Variants in PKN2 observed in about 807,000 individuals in gnomAD.
PKN2 encodes protein kinase N2, also known as serine/threonine-protein kinase N2.
Under a neutral mutation model 119.1 loss-of-function variants are expected in PKN2, and 38 were observed. The ratio of observed to expected loss-of-function variants is 0.32; its 90% confidence interval spans 0.25 to 0.42. The LOEUF is 0.42. Among genes scored for constraint, PKN2 ranks in the 10% least tolerant of loss-of-function variants. PKN2 has a pLI of 1.00. For synonymous variants in PKN2, 390 were observed against 384.9 expected (o/e 1.01, Z -0.15); for missense variants, 850 against 1,165.1 (o/e 0.73, Z 3.94).
chr1:88,787,343 G>T lies in PKN2; in HGVS notation c.1281+1130G>T, dbSNP rs78558109. 3.4e-3 allele frequency among the ~76,000 whole-genome samples: 510 copies of T among 152,182 alleles called. 4 individuals are homozygous for T. Among genetic ancestry groups the T allele is most frequent in the African/African-American group, 0.012 (487 of 41,520 alleles). On this transcript the variant is annotated intron_variant, in intron 8 of 21. Transcript: ENST00000370521. ...TTAGAGGGAAAATGACTAGCTAGGAGATTTTTCTTATAACAAGGTTATTGT... is the reference window on the plus strand; with the variant it reads ...TTAGAGGGAAAATGACTAGCTAGGATATTTTTCTTATAACAAGGTTATTGT...
At chr1:88,720,620 G>T (rs111355940) in intron 1 of PKN2, among the ~76,000 whole-genome samples, 2 of 152,042 alleles carry the variant, frequency 1.3e-5, no homozygotes, top group Non-Finnish European at 2.9e-5. Context: ...AAAATGTTTC[G>T]TGACCCTTTT....
chr1:88,688,800 G>A (rs1389719143), intron 1 of PKN2, among the ~76,000 whole-genome samples: 2 of 152,172 alleles, frequency 1.3e-5, no homozygotes, highest in Admixed American at 6.5e-5. Context: ...CACTTAGTAG[G>A]TGCGCAATAC....
At chr1:88,770,327 T>C in intron 3 of PKN2, 25 bp from the exon 4 acceptor site, 1 of 1,404,672 alleles carries the variant, frequency 7.1e-7, no homozygotes, top group Non-Finnish European at 1.0e-6. Flanking sequence ...ATTTGCTTAA[T>C]TTTTCAAACT....
rs765254246 is a variant in PKN2, at chr1:88,805,678, G to A, written c.1676+7G>A. ...AACTAGCACCTCCAGCTAGGTATGT[G>A]TCTGAGATTTTAAGCATCTCTTATA... On this transcript the variant is annotated splice_region_variant and intron_variant, in intron 11 of 21. Transcript: ENST00000370521. 1.2e-6 allele frequency: 2 copies of A among 1,613,444 alleles called. No homozygotes were observed. The highest frequency in any genetic ancestry group is 1.3e-5 in the African/African-American group (1 of 74,888).
chr1:88,700,767 T>C (rs1666740327), intron 1 of PKN2, among the ~76,000 whole-genome samples: 1 of 152,222 alleles, frequency 6.6e-6, no homozygotes, highest in Non-Finnish European at 1.5e-5. Context: ...TCTGCCTCTT[T>C]TCAGTAGTTC....
At chr1:88,799,858 T>C (rs955515113) in intron 8 of PKN2, among the ~76,000 whole-genome samples, 5 of 152,222 alleles carry the variant, frequency 3.3e-5, no homozygotes, top group African/African-American at 1.2e-4. Context: ...AGTTAAACTC[T>C]TTCAGTGTAC....
intron 6 of PKN2, among the ~76,000 whole-genome samples, chr1:88,776,511 G>T (rs184359139): frequency 6.6e-6 from 1 of 151,894 alleles, no homozygotes; most frequent in South Asian, 2.1e-4. Flanking sequence ...AGGCCGAGAC[G>T]GGTGGATCAC....
intron 1 of PKN2, among the ~76,000 whole-genome samples, chr1:88,716,768 T>C (rs1189104137): frequency 6.6e-6 from 1 of 152,220 alleles, no homozygotes; most frequent in Non-Finnish European, 1.5e-5. Flanking sequence ...TCTGTGTCTT[T>C]TAATTGGGGC....
At chr1:88,754,784 T>C (rs1393686636) in intron 2 of PKN2, among the ~76,000 whole-genome samples, 4 of 152,216 alleles carry the variant, frequency 2.6e-5, no homozygotes, top group Non-Finnish European at 4.4e-5. Flanking sequence ...GATGCAACTT[T>C]ATGGGCTTAA....
At chr1:88,777,809 A>G (rs1670164715) in intron 6 of PKN2, among the ~76,000 whole-genome samples, 1 of 152,186 alleles carries the variant, frequency 6.6e-6, no homozygotes, top group Non-Finnish European at 1.5e-5. Flanking sequence ...CAGGTACTGC[A>G]GACCAGCATT....
At chr1:88,737,048 A>G (rs1200179498) in intron 1 of PKN2, among the ~76,000 whole-genome samples, 4 of 152,192 alleles carry the variant, frequency 2.6e-5, no homozygotes, top group Non-Finnish European at 5.9e-5. Context: ...TTCAAGCATC[A>G]GTGTCTCCAC....
chr1:88,828,433 T>C (rs1256308819), intron 18 of PKN2, 48 bp from the exon 19 acceptor site: 1 of 1,502,756 alleles, frequency 6.7e-7, no homozygotes, highest in East Asian at 2.3e-5. Flanking sequence ...TTTTTTATGC[T>C]AGATTTGTTT....
intron 9 of PKN2, 70 bp from the exon 10 acceptor site, chr1:88,804,776 A>C: frequency 1.1e-6 from 1 of 916,700 alleles, no homozygotes; most frequent in Non-Finnish European, 1.7e-6. Context: ...TAAGCTTTAA[A>C]ATTTTATAAA....
At chr1:88,820,239 GA>G (rs1672217726) in intron 16 of PKN2, among the ~76,000 whole-genome samples, 1 of 88,260 alleles carries the variant, frequency 1.1e-5, no homozygotes, top group Admixed American at 1.2e-4. Flanking sequence ...TATATAAATA[GA>G]AAAAAATAAA....
chr1:88,696,933 CA>C (rs1478244590), intron 1 of PKN2, among the ~76,000 whole-genome samples: 1 of 152,136 alleles, frequency 6.6e-6, no homozygotes, highest in Non-Finnish European at 1.5e-5. Context: ...CCTATCTTTG[CA>C]TATGCTGATT....
At chr1:88,768,441 A>G (rs1385378868) in intron 3 of PKN2, among the ~76,000 whole-genome samples, 1 of 152,126 alleles carries the variant, frequency 6.6e-6, no homozygotes, top group Non-Finnish European at 1.5e-5. Context: ...CTAAGCTAGC[A>G]ATAGCAGGTC....
intron 1 of PKN2, among the ~76,000 whole-genome samples, chr1:88,716,895 G>A (rs1667479013): frequency 6.6e-6 from 1 of 152,254 alleles, no homozygotes; most frequent in Non-Finnish European, 1.5e-5. Context: ...ATCATCGATG[G>A]TCTTTACAAT....
chr1:88,722,604 C>T (rs1014770973), intron 1 of PKN2, among the ~76,000 whole-genome samples: 3 of 151,806 alleles, frequency 2.0e-5, no homozygotes, highest in Admixed American at 6.6e-5. Flanking sequence ...CACAGTGAGA[C>T]CCCATCTCTA....
intron 6 of PKN2, among the ~76,000 whole-genome samples, chr1:88,775,888 G>A (rs1288220463): frequency 6.6e-6 from 1 of 151,710 alleles, no homozygotes; most frequent in South Asian, 2.1e-4. Context: ...GGTGGATCAC[G>A]AGGTCAGAAG....
Sources: gnomAD v4.1 joint callset for allele counts (sites outside exome capture counted in the v4.1 genomes callset) on GRCh38, gnomAD v4.1.1 for gene constraint, MANE v1.5 for transcripts, NCBI Gene and HGNC (gene_info 2026-07-23, HGNC 2026-07-21) for gene names.